The following GPR137C variants were observed in gnomAD, a reference collection of about 807,000 sequenced individuals.
The protein encoded by GPR137C is integral membrane protein GPR137C.
GPR137C carries 27 observed loss-of-function variants against 43.4 expected under a neutral mutation model. The observed-to-expected ratio is 0.62, with a 90% CI of 0.46 to 0.86. The LOEUF (loss-of-function observed/expected upper bound fraction) is 0.86. Among genes scored for constraint, GPR137C ranks in the 40% least tolerant of loss-of-function variants. The pLI is 0.00. For synonymous variants in GPR137C, 285 were observed against 226.9 expected (o/e 1.26, Z -2.30); for missense variants, 522 against 534.6 (o/e 0.98, Z 0.23).
chr14:52,553,646 A>G, intron 1 of GPR137C, 55 bp downstream of exon 1: 6 of 1,211,840 alleles, frequency 5.0e-6, no homozygotes, highest in Non-Finnish European at 5.6e-6. Flanking sequence ...GGCCGCCGGG[A>G]TCAACTCCCG....
chr14:52,557,781 T>C (rs916325734), intron 1 of GPR137C, among the ~76,000 whole-genome samples: 8 of 152,254 alleles, frequency 5.3e-5, no homozygotes, highest in Non-Finnish European at 1.5e-5. Context: ...ATGGCTAATA[T>C]GTATCAGTTG....
intron 3 of GPR137C, among the ~76,000 whole-genome samples, chr14:52,629,649 A>G (rs1184869483): frequency 6.6e-6 from 1 of 152,214 alleles, no homozygotes; most frequent in African/African-American, 2.4e-5. Context: ...ACTAAGTTGT[A>G]AAAACCAAAG....
intron 3 of GPR137C, chr14:52,613,694 A>T (rs577848753): frequency 1.0e-4 from 30 of 291,560 alleles, no homozygotes; most frequent in African/African-American, 5.1e-4. Flanking sequence ...ATTCTTTCTT[A>T]TGGCTGAATA....
At chr14:52,575,439 G>C (rs866275074) in intron 1 of GPR137C, among the ~76,000 whole-genome samples, 3 of 152,006 alleles carry the variant, frequency 2.0e-5, no homozygotes, top group Non-Finnish European at 2.9e-5. Flanking sequence ...TAGTTAAGTC[G>C]GGCATGTAAA....
At chr14:52,607,882 A>G (rs1222420182) in intron 3 of GPR137C, among the ~76,000 whole-genome samples, 1 of 152,096 alleles carries the variant, frequency 6.6e-6, no homozygotes, top group African/African-American at 2.4e-5. Flanking sequence ...CTCAAAAAAA[A>G]AAAAAGAAAA....
At chr14:52,613,776 A>C (rs2039065747) in intron 3 of GPR137C, 1 of 191,918 alleles carries the variant, frequency 5.2e-6, no homozygotes, top group African/African-American at 2.4e-5. Flanking sequence ...GTTGCTTGCA[A>C]ATCTTGGCTG....
At chr14:52,557,568 T>C (rs1251526229) in intron 1 of GPR137C, among the ~76,000 whole-genome samples, 1 of 152,252 alleles carries the variant, frequency 6.6e-6, no homozygotes, top group East Asian at 1.9e-4. Flanking sequence ...TGTTTTTGTC[T>C]GAATCTACTA....
intron 1 of GPR137C, among the ~76,000 whole-genome samples, chr14:52,560,488 G>A (rs1376505773): frequency 6.6e-6 from 1 of 152,190 alleles, no homozygotes; most frequent in African/African-American, 2.4e-5. Flanking sequence ...GAAGTTGAAG[G>A]ATCGCACTAC....
intron 1 of GPR137C, among the ~76,000 whole-genome samples, chr14:52,593,456 G>A (rs985177381): frequency 6.6e-6 from 1 of 152,136 alleles, no homozygotes; most frequent in Non-Finnish European, 1.5e-5. Context: ...AATCCATCTG[G>A]TCCTGGACGT....
chr14:52,603,337 A>G (rs1359078144), intron 3 of GPR137C, among the ~76,000 whole-genome samples: 1 of 152,112 alleles, frequency 6.6e-6, no homozygotes, highest in South Asian at 2.1e-4. Flanking sequence ...TTTTTTATTC[A>G]TTCATCTGTT....
chr14:52,599,434 C>CT (rs376009711), intron 2 of GPR137C, among the ~76,000 whole-genome samples: 12,307 of 139,686 alleles, frequency 0.088, 582 homozygotes, highest in South Asian at 0.15. Flanking sequence ...TTTTTTTTTC[C>CT]TTTTTTTTTT....
At chr14:52,634,061 A>G (rs980336370) in intron 6 of GPR137C, 115 bp downstream of exon 6, 31 of 677,742 alleles carry the variant, frequency 4.6e-5, no homozygotes, top group Admixed American at 2.5e-4. Flanking sequence ...ATGTCAATAA[A>G]TAAGATCGGC....
intron 3 of GPR137C, among the ~76,000 whole-genome samples, chr14:52,626,923 T>C (rs910505982): frequency 6.6e-6 from 1 of 152,156 alleles, no homozygotes; most frequent in Non-Finnish European, 1.5e-5. Flanking sequence ...GCAATATCTG[T>C]ATACTGAAAA....
At chr14:52,619,348 A>C in intron 3 of GPR137C, among the ~76,000 whole-genome samples, 1 of 152,128 alleles carries the variant, frequency 6.6e-6, no homozygotes, top group East Asian at 1.9e-4. Flanking sequence ...AAAAATACAG[A>C]CCGCATTATC....
chr14:52,608,553 G>A (rs2039006787), intron 3 of GPR137C, among the ~76,000 whole-genome samples: 1 of 152,106 alleles, frequency 6.6e-6, no homozygotes, highest in Admixed American at 6.6e-5. Flanking sequence ...TATAATATTA[G>A]TGTAACAATC....
At chr14:52,577,434 GAACA>G (rs1246026039) in intron 1 of GPR137C, among the ~76,000 whole-genome samples, 16 of 151,348 alleles carry the variant, frequency 1.1e-4, no homozygotes, top group South Asian at 4.2e-4. Flanking sequence ...GGAAAAACAA[GAACA>G]AACAAAACCC....
At chr14:52,611,937 T>C in intron 3 of GPR137C, 1 of 984,750 alleles carries the variant, frequency 1.0e-6, no homozygotes, top group Non-Finnish European at 1.2e-6. Flanking sequence ...TATTTTGACA[T>C]AGTTTATAGA....
chr14:52,567,709 T>C (rs1179992232), intron 1 of GPR137C, among the ~76,000 whole-genome samples: 1 of 151,080 alleles, frequency 6.6e-6, no homozygotes, highest in Non-Finnish European at 1.5e-5. Context: ...ACCCAGTCTC[T>C]TGTGCAGTGG....
chr14:52,584,315 T>C (rs2038685298), intron 1 of GPR137C, among the ~76,000 whole-genome samples: 1 of 151,400 alleles, frequency 6.6e-6, no homozygotes, highest in Non-Finnish European at 1.5e-5. Flanking sequence ...TTTGGGGAGG[T>C]TGAGGCAAGG....
Sources: gnomAD v4.1 joint callset for allele counts (sites outside exome capture counted in the v4.1 genomes callset) on GRCh38, gnomAD v4.1.1 for gene constraint, MANE v1.5 for transcripts, NCBI Gene and HGNC (gene_info 2026-07-23, HGNC 2026-07-21) for gene names.